GMPS: variants seen among roughly 807,000 people sequenced by gnomAD.
GMPS encodes the protein GMP synthase [glutamine-hydrolyzing].
GMPS carries 15 observed loss-of-function variants against 77.9 expected under a neutral mutation model. The observed-to-expected ratio is 0.19, with a 90% CI of 0.13 to 0.30. GMPS has a LOEUF of 0.30. Ranked by LOEUF, GMPS falls within the 10% of genes least tolerant of loss-of-function variation. The pLI is 1.00. For synonymous variants in GMPS, 224 were observed against 275.9 expected, an observed-to-expected ratio of 0.81 and a Z score of 1.86; for missense variants, 590 against 838.8, an observed-to-expected ratio of 0.70 and a Z score of 3.66.
At chr3:155,928,994 CAT>C (rs1039936715) in intron 12 of GMPS, among the ~76,000 whole-genome samples, 20 of 151,116 alleles carry the variant, frequency 1.3e-4, no homozygotes, top group African/African-American at 3.6e-4. Flanking sequence ...CCGCAATAAA[CAT>C]ATGTGTGCAT....
intron 2 of GMPS, among the ~76,000 whole-genome samples, chr3:155,897,507 A>T (rs1754631174): frequency 6.6e-6 from 1 of 152,180 alleles, no homozygotes; most frequent in African/African-American, 2.4e-5. Context: ...TGAGCCATCC[A>T]GGGCCTTCAT....
At chr3:155,937,563 G>T in intron 15 of GMPS, 28 bp from the exon 16 acceptor site, 1 of 979,596 alleles carries the variant, frequency 1.0e-6, no homozygotes, top group Non-Finnish European at 1.7e-6. Context: ...AGTGGATGCT[G>T]ACTTTTCTCT....
At chr3:155,922,383 G>A (rs930288598) in intron 11 of GMPS, 81 bp downstream of exon 11, 40 of 568,396 alleles carry the variant, frequency 7.0e-5, no homozygotes, top group South Asian at 2.5e-4. Context: ...AATTTTTTAG[G>A]GTTTTATTAT....
intron 1 of GMPS, among the ~76,000 whole-genome samples, chr3:155,883,649 C>G (rs561239188): frequency 6.6e-6 from 1 of 152,180 alleles, no homozygotes; most frequent in Admixed American, 6.5e-5. Flanking sequence ...TTGCAAGATG[C>G]CTTTGGTTCT....
intron 2 of GMPS, chr3:155,895,571 A>G (rs2108077090): frequency 6.6e-6 from 1 of 152,292 alleles, no homozygotes; most frequent in Non-Finnish European, 1.5e-5. Context: ...TCAGCCTCCC[A>G]AAGTGCTGGG....
intron 1 of GMPS, among the ~76,000 whole-genome samples, chr3:155,876,462 A>G (rs538228353): frequency 9.8e-5 from 15 of 152,380 alleles, no homozygotes; most frequent in African/African-American, 2.6e-4. Context: ...TGCAACCCAC[A>G]CAACACTAGA....
At position 155,892,741 on chromosome 3, in the gene GMPS, C is replaced by G. The variant is rs550638496; in HGVS notation, c.28-777C>G. The stretch of plus-strand genomic sequence containing the variant: ...CCGCCTCCGGGGTTCAAGCGATTCT[C>G]CTGCCTCAGCCTCCCCAGTAGCTGG... On this transcript the variant is annotated intron_variant, in intron 1 of 15. Coordinates refer to ENST00000496455, the MANE Select transcript of GMPS (RefSeq NM_003875.3). Among the ~76,000 whole-genome samples, 3 of 152,338 alleles carry G rather than the reference C, an allele frequency of 2.0e-5. No individual in the cohort carries two copies. The South Asian group carries it at 6.2e-4, about 32-fold the overall frequency.
intron 12 of GMPS, among the ~76,000 whole-genome samples, chr3:155,928,642 C>T (rs1018048841): frequency 2.0e-5 from 3 of 148,878 alleles, no homozygotes; most frequent in East Asian, 2.0e-4. Context: ...CCCACTAACT[C>T]GTCATTTAGC....
At chr3:155,890,123 C>T (rs1754428935) in intron 1 of GMPS, among the ~76,000 whole-genome samples, 1 of 152,142 alleles carries the variant, frequency 6.6e-6, no homozygotes, top group Non-Finnish European at 1.5e-5. Context: ...CCTGAATTGT[C>T]AAAGCTGTGA....
chr3:155,878,379 C>T (rs528677266), intron 1 of GMPS, among the ~76,000 whole-genome samples: 2 of 152,252 alleles, frequency 1.3e-5, no homozygotes, highest in South Asian at 2.1e-4. Flanking sequence ...TGTATGTATA[C>T]CACCTTATAT....
intron 1 of GMPS, among the ~76,000 whole-genome samples, chr3:155,891,406 G>A (rs1754458306): frequency 2.0e-5 from 3 of 152,170 alleles, no homozygotes; most frequent in Non-Finnish European, 4.4e-5. Context: ...GAAGGGGTGT[G>A]TGTATGTGTA....
rs139675163 is a variant in GMPS at position 155,890,773 on chromosome 3, G to A, written c.28-2745G>A. Among the ~76,000 whole-genome samples, 187 of 152,268 alleles carry A rather than the reference G, an allele frequency of 1.2e-3. 1 individual carries two copies. Among genetic ancestry groups the A allele is most frequent in the African/African-American group, 4.2e-3 (175 of 41,558 alleles). ...ACTGATGTTGGTAAGTTCTGTGGCTGTATATCTAGAGGCTCTCAAACCCTG... is the reference window on the plus strand; with the variant it reads ...ACTGATGTTGGTAAGTTCTGTGGCTATATATCTAGAGGCTCTCAAACCCTG... On this transcript the variant is annotated intron_variant, in intron 1 of 15. Transcript: ENST00000496455.
At chr3:155,919,168 A>G (rs1560049223) in intron 9 of GMPS, 65 bp from the exon 10 acceptor site, 1 of 687,990 alleles carries the variant, frequency 1.5e-6, no homozygotes. Flanking sequence ...ATAATTTATT[A>G]CGCTTTGTTT....
At chr3:155,924,838 C>T (rs144729871) in intron 11 of GMPS, among the ~76,000 whole-genome samples, 2 of 151,794 alleles carry the variant, frequency 1.3e-5, no homozygotes, top group Non-Finnish European at 2.9e-5. Flanking sequence ...TTACTAATAC[C>T]TAGGGATAGT....
chr3:155,936,472 G>A lies in GMPS; in HGVS notation c.1942G>A (p.Gly648Ser). 1.9e-6 allele frequency: 3 copies of A among 1,606,672 alleles called. No individual in the cohort carries two copies. Among genetic ancestry groups the A allele is most frequent in the Non-Finnish European group, 2.6e-6 (3 of 1,173,404 alleles). The change falls in exon 15 of 16, where the codon GGT becomes AGT. Residue 648 changes from glycine to serine, a missense_variant. This residue lies in a region of GMPS where 73 missense variants were observed against 170.5 expected (regional missense o/e 0.43). Coordinates refer to ENST00000496455, the MANE Select transcript of GMPS (RefSeq NM_003875.3). ...CTTTATTACTAGTGACTTCATGACT[G>A]GTATACCTGCAACACCTGGCAATGA... ...RTFITSDFMT[G>S]IPATPGNEIP...
chr3:155,933,826 T>TCCCTTCAAA (rs1312606278), intron 13 of GMPS, among the ~76,000 whole-genome samples: 3 of 152,168 alleles, frequency 2.0e-5, no homozygotes, highest in African/African-American at 7.2e-5. Context: ...GTGAAACAGA[T>TCCCTTCAAA]CCCTTCAAAC....
Position 155,870,791 on chromosome 3 carries a change from C to T in GMPS, c.-80C>T, listed in dbSNP as rs1753885119. 1.0e-6 allele frequency: 1 copy of T among 971,098 alleles called. No individual in the cohort carries two copies. Among genetic ancestry groups the T allele is most frequent in the Non-Finnish European group, 1.5e-6 (1 of 649,202 alleles). 60.2% of individuals were successfully genotyped at this position (971,098 alleles called of 1,614,324 possible). On this transcript the variant is annotated 5_prime_UTR_variant, in exon 1 of 16. Transcript: ENST00000496455. Reference sequence around the variant, plus strand: ...CCAGGCCTCCTTCTCAACCTCAGCCCGCGGCGCCGACCCTTCCGGCACCCT... The same window carrying T: ...CCAGGCCTCCTTCTCAACCTCAGCCTGCGGCGCCGACCCTTCCGGCACCCT...
Position 155,916,078 on chromosome 3 carries a change from A to G in GMPS, c.1098A>G (p.Gln366=). The change falls in exon 9 of 16, where the codon CAA becomes CAG. Residue 366 remains glutamine (Q), a synonymous_variant. Coordinates refer to ENST00000496455, the MANE Select transcript of GMPS (RefSeq NM_003875.3). ...AACCAGAGGAGGTTTTCCTTGCCCAAGGTACTTTACGGCCTGATCTAATTG... is the reference window on the plus strand; with the variant it reads ...AACCAGAGGAGGTTTTCCTTGCCCAGGGTACTTTACGGCCTGATCTAATTG... ...NLKPEEVFLA[Q]GTLRPDLIES... The G allele has an allele frequency of 1.2e-5, 19 of 1,613,418 alleles. No homozygotes were observed. Among genetic ancestry groups the G allele is most frequent in the Non-Finnish European group, 1.6e-5 (19 of 1,179,346 alleles).
chr3:155,939,733 A>T lies in GMPS; in HGVS notation c.*2041A>T, dbSNP rs923035313. On this transcript the variant is annotated 3_prime_UTR_variant, in exon 16 of 16. Transcript: ENST00000496455. ...TCCAAAGCACATCTTGACATGACAT[A>T]GTTTCTTAAAAATCCAAATTTTCTG... 6 of 194,446 alleles carry T rather than the reference A, an allele frequency of 3.1e-5. No individual in the cohort carries two copies. Among genetic ancestry groups the T allele is most frequent in the African/African-American group, 1.4e-4 (6 of 43,204 alleles). The allele number at this position is 194,446 out of a possible 1,614,324, so 12.0% of individuals were successfully genotyped here.
Sources: allele counts gnomAD v4.1 joint callset (sites outside exome capture counted in the v4.1 genomes callset), GRCh38; gene constraint gnomAD v4.1.1; regional missense constraint gnomAD v4.1.1; transcripts MANE v1.5; gene names NCBI Gene and HGNC (gene_info 2026-07-23, HGNC 2026-07-21).